Variants in OPCML observed in about 807,000 individuals in gnomAD.
The protein encoded by OPCML is opioid-binding protein/cell adhesion molecule.
A neutral mutation model predicts 37.8 loss-of-function variants in OPCML; 13 were observed. That is an observed-to-expected ratio of 0.34 (90% CI 0.22 to 0.55). OPCML has a LOEUF of 0.55. OPCML is among the 20% of genes least tolerant of loss of function. The pLI is 0.91. For synonymous variants in OPCML, 176 were observed against 168.8 expected, an observed-to-expected ratio of 1.04 and a Z score of -0.33; for missense variants, 341 against 435.6, an observed-to-expected ratio of 0.78 and a Z score of 1.93.
At chr11:132,615,214 T>C (rs1565713260) in intron 3 of OPCML, among the ~76,000 whole-genome samples, 1 of 152,194 alleles carries the variant, frequency 6.6e-6, no homozygotes, top group Non-Finnish European at 1.5e-5. Context: ...TTGCCAATAA[T>C]ACAGGAAATG....
At chr11:132,494,968 A>T (rs1264301209) in intron 4 of OPCML, among the ~76,000 whole-genome samples, 1 of 152,092 alleles carries the variant, frequency 6.6e-6, no homozygotes, top group Non-Finnish European at 1.5e-5. Flanking sequence ...CCTACAGGGA[A>T]TACATTTCGA....
chr11:132,686,839 C>G (rs777990592), intron 2 of OPCML, among the ~76,000 whole-genome samples: 1 of 152,306 alleles, frequency 6.6e-6, no homozygotes. Flanking sequence ...TTGTCCCACT[C>G]ACACCCCATT....
At chr11:132,773,383 A>G (rs1032367675) in intron 2 of OPCML, 2 of 152,004 alleles carry the variant, frequency 1.3e-5, no homozygotes, top group Admixed American at 6.6e-5. Context: ...TTTTATTTCA[A>G]TCAAGCCGTG....
At chr11:132,863,063 C>A (rs763483877) in intron 2 of OPCML, among the ~76,000 whole-genome samples, 1 of 152,180 alleles carries the variant, frequency 6.6e-6, no homozygotes, top group Non-Finnish European at 1.5e-5. Flanking sequence ...TGGGTGTGGG[C>A]AGCCTCAGTA....
intron 1 of OPCML, among the ~76,000 whole-genome samples, chr11:133,198,464 A>G (rs1469264666): frequency 3.9e-5 from 6 of 152,248 alleles, no homozygotes; most frequent in Non-Finnish European, 7.3e-5. Flanking sequence ...TCTGGTGACA[A>G]CATGTAATAG....
chr11:132,776,207 G>T (rs1946804149), intron 2 of OPCML, among the ~76,000 whole-genome samples: 1 of 152,230 alleles, frequency 6.6e-6, no homozygotes, highest in African/African-American at 2.4e-5. Context: ...GTGATTATAG[G>T]TGTTGAGTCA....
chr11:132,531,423 A>C (rs1005712268), intron 3 of OPCML, among the ~76,000 whole-genome samples: 11 of 152,364 alleles, frequency 7.2e-5, no homozygotes, highest in African/African-American at 1.9e-4. Context: ...AGTCAATTCC[A>C]AACCAACCTG....
At chr11:133,260,223 T>G (rs1474117992) in intron 1 of OPCML, among the ~76,000 whole-genome samples, 1 of 145,052 alleles carries the variant, frequency 6.9e-6, no homozygotes, top group East Asian at 2.1e-4. Context: ...GGCCAGTGAG[T>G]GGAGGGAAGG....
At chr11:132,908,289 C>G (rs1393316290) in intron 2 of OPCML, among the ~76,000 whole-genome samples, 1 of 113,954 alleles carries the variant, frequency 8.8e-6, no homozygotes, top group Admixed American at 7.5e-5. Flanking sequence ...CTCTCTCTCT[C>G]ACACACACAC....
intron 7 of OPCML, among the ~76,000 whole-genome samples, chr11:132,427,954 G>A (rs528663209): frequency 6.6e-6 from 1 of 152,336 alleles, no homozygotes; most frequent in South Asian, 2.1e-4. Flanking sequence ...AAAAGCAATG[G>A]TGTTTCTCTC....
At chr11:132,852,917 A>G (rs906115888) in intron 2 of OPCML, among the ~76,000 whole-genome samples, 15 of 151,950 alleles carry the variant, frequency 9.9e-5, no homozygotes, top group East Asian at 5.8e-4. Flanking sequence ...AAAAAAAAAA[A>G]AAGAAGAAGA....
intron 1 of OPCML, among the ~76,000 whole-genome samples, chr11:133,293,752 T>G (rs1366745153): frequency 6.6e-6 from 1 of 152,022 alleles, no homozygotes; most frequent in Non-Finnish European, 1.5e-5. Context: ...AGGTCTGATC[T>G]GGAAGAGAAA....
chr11:132,810,585 G>A (rs1462689353), intron 2 of OPCML, among the ~76,000 whole-genome samples: 1 of 152,182 alleles, frequency 6.6e-6, no homozygotes, highest in African/African-American at 2.4e-5. Context: ...CTGCTACTCA[G>A]GAGGCTGAGG....
At chr11:132,762,078 G>C (rs1946284469) in intron 2 of OPCML, among the ~76,000 whole-genome samples, 1 of 152,166 alleles carries the variant, frequency 6.6e-6, no homozygotes, top group Admixed American at 6.5e-5. Flanking sequence ...TCTTCTGCAG[G>C]TCTGCTGGAG....
intron 1 of OPCML, among the ~76,000 whole-genome samples, chr11:133,285,874 A>G (rs1448660594): frequency 6.6e-6 from 1 of 152,246 alleles, no homozygotes; most frequent in Non-Finnish European, 1.5e-5. Flanking sequence ...AGATGTGAAC[A>G]GTAAAACGTA....
intron 3 of OPCML, among the ~76,000 whole-genome samples, chr11:132,621,389 T>G (rs1248248366): frequency 6.6e-6 from 1 of 152,106 alleles, no homozygotes; most frequent in African/African-American, 2.4e-5. Context: ...GGCTAAAAGA[T>G]AAAAACCAAC....
intron 2 of OPCML, among the ~76,000 whole-genome samples, chr11:132,858,840 C>T (rs1942174353): frequency 6.6e-6 from 1 of 152,110 alleles, no homozygotes; most frequent in South Asian, 2.1e-4. Flanking sequence ...GTGATTATTT[C>T]ATAAACTAAC....
chr11:132,937,252 AGTG>A (rs1282854919), intron 2 of OPCML, among the ~76,000 whole-genome samples: 1 of 152,130 alleles, frequency 6.6e-6, no homozygotes, highest in Non-Finnish European at 1.5e-5. Context: ...GAGCACAGTG[AGTG>A]GGCCAAGGGC....
At chr11:133,468,183 G>C (rs1947019684) in intron 1 of OPCML, among the ~76,000 whole-genome samples, 1 of 152,192 alleles carries the variant, frequency 6.6e-6, no homozygotes, top group African/African-American at 2.4e-5. Context: ...GATGGCAATG[G>C]CACGGTTTCC....
Sources: gnomAD v4.1 joint callset for allele counts (sites outside exome capture counted in the v4.1 genomes callset) on GRCh38, gnomAD v4.1.1 for gene constraint, MANE v1.5 for transcripts, NCBI Gene and HGNC (gene_info 2026-07-23, HGNC 2026-07-21) for gene names.